SORCS1: variants seen among roughly 807,000 people sequenced by gnomAD.
SORCS1 encodes VPS10 domain-containing receptor SorCS1.
SORCS1 carries 60 observed loss-of-function variants against 146.1 expected under a neutral mutation model. The ratio of observed to expected loss-of-function variants is 0.41; its 90% CI spans 0.33 to 0.51. The LOEUF (loss-of-function observed/expected upper bound fraction) is 0.51. Among genes scored for constraint, SORCS1 ranks in the 20% least tolerant of loss-of-function variants. SORCS1 has a pLI of 0.21. For synonymous variants in SORCS1, 637 were observed against 584.0 expected, an observed-to-expected ratio of 1.09 and a Z score of -1.31; for missense variants, 1,352 against 1,487.6, an observed-to-expected ratio of 0.91 and a Z score of 1.50.
At chr10:106,989,271 G>GAAAAAAAA (rs1161174866) in intron 1 of SORCS1, among the ~76,000 whole-genome samples, 1 of 75,674 alleles carries the variant, frequency 1.3e-5, no homozygotes, top group African/African-American at 6.4e-5. Flanking sequence ...CTCCACCTCA[G>GAAAAAAAA]AAAAAAAAAA....
chr10:107,120,550 C>G (rs896102555), intron 1 of SORCS1, among the ~76,000 whole-genome samples: 1 of 152,140 alleles, frequency 6.6e-6, no homozygotes, highest in African/African-American at 2.4e-5. Flanking sequence ...AGACCAAAGA[C>G]TTATAACATG....
At chr10:106,984,656 G>C (rs1455340031) in intron 1 of SORCS1, among the ~76,000 whole-genome samples, 1 of 151,750 alleles carries the variant, frequency 6.6e-6, no homozygotes, top group Non-Finnish European at 1.5e-5. Context: ...GTCTCCCAAA[G>C]GGCTGGGATT....
At chr10:107,029,762 A>C (rs1418593375) in intron 1 of SORCS1, among the ~76,000 whole-genome samples, 1 of 152,220 alleles carries the variant, frequency 6.6e-6, no homozygotes, top group African/African-American at 2.4e-5. Flanking sequence ...CTACATGTAT[A>C]TATGCATACA....
intron 1 of SORCS1, among the ~76,000 whole-genome samples, chr10:107,051,826 T>G (rs1314485788): frequency 3.3e-5 from 5 of 152,144 alleles, no homozygotes; most frequent in Non-Finnish European, 7.4e-5. Context: ...AAAGGGCTGG[T>G]ACTTGAACCC....
chr10:106,884,565 A>G (rs1385103111), intron 2 of SORCS1, among the ~76,000 whole-genome samples: 1 of 152,194 alleles, frequency 6.6e-6, no homozygotes, highest in African/African-American at 2.4e-5. Flanking sequence ...GCAGAGCTTC[A>G]CTTAGGACTT....
intron 5 of SORCS1, among the ~76,000 whole-genome samples, chr10:106,743,073 G>A (rs1185622784): frequency 6.6e-6 from 1 of 152,124 alleles, no homozygotes; most frequent in Non-Finnish European, 1.5e-5. Context: ...TCATTTTGGG[G>A]TCTGTTTTTA....
intron 2 of SORCS1, among the ~76,000 whole-genome samples, chr10:106,952,278 T>C (rs1954721763): frequency 6.6e-6 from 1 of 152,100 alleles, no homozygotes; most frequent in Non-Finnish European, 1.5e-5. Context: ...AGGGCTGAGA[T>C]TGGATCCCTG....
intron 1 of SORCS1, among the ~76,000 whole-genome samples, chr10:106,984,150 C>A (rs1461326155): frequency 6.6e-6 from 1 of 152,044 alleles, no homozygotes; most frequent in African/African-American, 2.4e-5. Context: ...TAAAAGGGAA[C>A]CATAAAGACA....
intron 2 of SORCS1, among the ~76,000 whole-genome samples, chr10:106,833,758 T>A (rs1232019567): frequency 2.0e-5 from 3 of 151,728 alleles, no homozygotes; most frequent in Admixed American, 6.6e-5. Flanking sequence ...TGGCACTGCA[T>A]CATGGAAGGC....
At chr10:106,729,061 G>T (rs1181719338) in intron 6 of SORCS1, among the ~76,000 whole-genome samples, 2 of 152,124 alleles carry the variant, frequency 1.3e-5, no homozygotes, top group African/African-American at 4.8e-5. Context: ...CCCTTCTGAG[G>T]ATCCTCTGTA....
Position 106,999,054 on chromosome 10 carries a change from TACC to T in SORCS1, c.559-42477_559-42475del, listed in dbSNP as rs577607031. On this transcript the variant is annotated intron_variant, in intron 1 of 25. Transcript: ENST00000263054. ...ATAAGTAGTAAGAAAACTTCTAAAGTACCACATTTTGCCAAATGAAGACAGGTC... is the reference window on the plus strand; with the variant it reads ...ATAAGTAGTAAGAAAACTTCTAAAGTACATTTTGCCAAATGAAGACAGGTC... Among the ~76,000 whole-genome samples the T allele has an allele frequency of 2.2e-4, 33 of 152,272 alleles. 1 individual carries two copies. The highest frequency in any genetic ancestry group is 7.7e-4 in the African/African-American group (32 of 41,560).
chr10:106,765,045 G>T (rs893688561), intron 4 of SORCS1, among the ~76,000 whole-genome samples: 5 of 126,816 alleles, frequency 3.9e-5, no homozygotes, highest in African/African-American at 1.5e-4. Flanking sequence ...AAAAAAAAAA[G>T]CCATTCTTGG....
chr10:107,036,616 C>T (rs928909710), intron 1 of SORCS1, among the ~76,000 whole-genome samples: 2 of 152,170 alleles, frequency 1.3e-5, no homozygotes, highest in Admixed American at 6.5e-5. Flanking sequence ...CATTGCATCT[C>T]CCTGAGCTGG....
chr10:106,804,807 T>C (rs1261416299), intron 3 of SORCS1, among the ~76,000 whole-genome samples: 2 of 152,136 alleles, frequency 1.3e-5, no homozygotes, highest in African/African-American at 4.8e-5. Flanking sequence ...GTACTCAGAA[T>C]TAAAGCAGGT....
At chr10:107,156,893 G>T (rs1969326654) in intron 1 of SORCS1, among the ~76,000 whole-genome samples, 1 of 152,164 alleles carries the variant, frequency 6.6e-6, no homozygotes. Flanking sequence ...AAGTCTATTA[G>T]CAGTGGAATA....
intron 14 of SORCS1, 29 bp downstream of exon 14, chr10:106,675,020 G>T (rs1461674138): frequency 2.0e-6 from 3 of 1,533,894 alleles, no homozygotes; most frequent in African/African-American, 1.4e-5. Flanking sequence ...TTCTATGAAG[G>T]CTGGACCACA....
At chr10:107,148,633 G>T (rs915105251) in intron 1 of SORCS1, among the ~76,000 whole-genome samples, 3 of 152,140 alleles carry the variant, frequency 2.0e-5, no homozygotes, top group African/African-American at 7.2e-5. Flanking sequence ...GAATGCAAAG[G>T]TTTCTTTAAA....
intron 1 of SORCS1, among the ~76,000 whole-genome samples, chr10:107,017,343 A>T (rs1957941812): frequency 6.6e-6 from 1 of 152,252 alleles, no homozygotes; most frequent in Non-Finnish European, 1.5e-5. Context: ...CGCTACACGA[A>T]ATAACCAATA....
At chr10:106,632,530 G>A (rs1487523049) in intron 18 of SORCS1, among the ~76,000 whole-genome samples, 1 of 152,120 alleles carries the variant, frequency 6.6e-6, no homozygotes, top group African/African-American at 2.4e-5. Flanking sequence ...CTATTGAGTA[G>A]ACATACTCAC....
Sources: allele counts gnomAD v4.1 joint callset (sites outside exome capture counted in the v4.1 genomes callset), GRCh38; gene constraint gnomAD v4.1.1; transcripts MANE v1.5; gene names NCBI Gene and HGNC (gene_info 2026-07-23, HGNC 2026-07-21).